The following ANK3 variants were observed in gnomAD, a reference collection of about 807,000 sequenced individuals.
The protein encoded by ANK3 is ankyrin-3.
A neutral mutation model predicts 370.9 loss-of-function variants in ANK3; 57 were observed. The ratio of observed to expected loss-of-function variants is 0.15; its 90% CI spans 0.12 to 0.19. The LOEUF is 0.19. Among genes scored for constraint, ANK3 ranks in the 10% least tolerant of loss-of-function variants. The probability of loss-of-function intolerance (pLI) is 1.00; values close to 1 mark genes in which losing one functional copy is unlikely to be tolerated. For synonymous variants in ANK3, 1,929 were observed against 1,946.3 expected, an observed-to-expected ratio of 0.99 and a Z score of 0.23; for missense variants, 4,439 against 5,302.1, an observed-to-expected ratio of 0.84 and a Z score of 5.06.
At chr10:60,427,485 T>C (rs945484422) in intron 2 of ANK3, among the ~76,000 whole-genome samples, 1 of 151,774 alleles carries the variant, frequency 6.6e-6, no homozygotes, top group African/African-American at 2.4e-5. Context: ...AAAGCACTTT[T>C]GCCTAAATAG....
At chr10:60,502,884 GAA>G (rs965293334) in intron 2 of ANK3, among the ~76,000 whole-genome samples, 4 of 120,412 alleles carry the variant, frequency 3.3e-5, no homozygotes, top group African/African-American at 9.2e-5. Flanking sequence ...AAGAGGGAAA[GAA>G]AGAGAGAAAG....
At chr10:60,516,848 C>T (rs2076231076) in intron 2 of ANK3, among the ~76,000 whole-genome samples, 1 of 152,076 alleles carries the variant, frequency 6.6e-6, no homozygotes, top group Admixed American at 6.6e-5. Flanking sequence ...GATCACAGAG[C>T]AGAATTTTCT....
At chr10:60,583,509 T>C (rs567866749) in intron 2 of ANK3, among the ~76,000 whole-genome samples, 2 of 130,160 alleles carry the variant, frequency 1.5e-5, no homozygotes, top group East Asian at 5.3e-4. Context: ...GAGAGGTTTT[T>C]TGTTTTTTGT....
chr10:60,183,509 A>T (rs545701073), intron 17 of ANK3, among the ~76,000 whole-genome samples: 1 of 152,324 alleles, frequency 6.6e-6, no homozygotes, highest in African/African-American at 2.4e-5. Context: ...GCCCTGTTTG[A>T]GTTCAGAAGT....
chr10:60,720,823 G>C (rs2079853193), intron 1 of ANK3, among the ~76,000 whole-genome samples: 1 of 152,096 alleles, frequency 6.6e-6, no homozygotes, highest in Non-Finnish European at 1.5e-5. Flanking sequence ...ATATTGCCTA[G>C]GCTGGTCTCA....
At chr10:60,677,874 A>C (rs2079147147) in intron 1 of ANK3, among the ~76,000 whole-genome samples, 1 of 152,052 alleles carries the variant, frequency 6.6e-6, no homozygotes, top group Admixed American at 6.5e-5. Flanking sequence ...TACTCCTTTC[A>C]AATGCTAGAT....
At chr10:60,136,686 C>T (rs937305324) in intron 24 of ANK3, among the ~76,000 whole-genome samples, 4 of 152,122 alleles carry the variant, frequency 2.6e-5, no homozygotes, top group African/African-American at 7.2e-5. Flanking sequence ...AGCTATCAAC[C>T]GAAAGGCCTA....
chr10:60,216,111 T>C (rs144080668), intron 8 of ANK3, among the ~76,000 whole-genome samples: 101 of 152,214 alleles, frequency 6.6e-4, no homozygotes, highest in Admixed American at 2.1e-3. Context: ...TTTGTAGTGA[T>C]TGTGAATGGG....
chr10:60,226,832 C>T (rs2097172019), intron 8 of ANK3, among the ~76,000 whole-genome samples: 1 of 148,742 alleles, frequency 6.7e-6, no homozygotes. Context: ...ATTATATTTA[C>T]ACTGTTAGTT....
chr10:60,449,667 T>C (rs1412262101), intron 2 of ANK3, among the ~76,000 whole-genome samples: 7 of 152,228 alleles, frequency 4.6e-5, no homozygotes, highest in Non-Finnish European at 7.3e-5. Flanking sequence ...CTAATAATCA[T>C]ACCTGCTTTC....
At chr10:60,228,972 T>C (rs2132517746) in intron 8 of ANK3, among the ~76,000 whole-genome samples, 1 of 152,312 alleles carries the variant, frequency 6.6e-6, no homozygotes, top group South Asian at 2.1e-4. Context: ...AGATCTCTAA[T>C]TTGGCAAGGG....
upstream of ANK3, among the ~76,000 whole-genome samples, chr10:60,390,614 A>G (rs1174009653): frequency 1.3e-5 from 2 of 152,026 alleles, no homozygotes; most frequent in Admixed American, 6.6e-5. Flanking sequence ...AAGAAATCTA[A>G]TAAGTCGGGA....
At position 60,462,694 on chromosome 10, in the gene ANK3, T is replaced by C. The variant is rs1016453666; in HGVS notation, c.96+152492A>G. ...GTGGTTTTCTACTTAGGATGCACTA[T>C]AATATCATGTGGGGAGATTTTTAAA... On this transcript the variant is annotated intron_variant, in intron 2 of 43. Transcript: ENST00000373827. Among the ~76,000 whole-genome samples, 6 of 151,974 alleles carry C rather than the reference T, an allele frequency of 3.9e-5. No homozygotes were observed. The East Asian group carries it at 7.7e-4, about 20-fold the overall frequency.
At chr10:60,150,268 TG>T (rs1294739524) in intron 23 of ANK3, among the ~76,000 whole-genome samples, 1 of 152,118 alleles carries the variant, frequency 6.6e-6, no homozygotes, top group Non-Finnish European at 1.5e-5. Context: ...AGCTCTTCTG[TG>T]GGGGCCTGTG....
chr10:60,151,733 T>C (rs1354869700), intron 23 of ANK3, among the ~76,000 whole-genome samples: 1 of 152,184 alleles, frequency 6.6e-6, no homozygotes, highest in Non-Finnish European at 1.5e-5. Flanking sequence ...CAGACTAGCA[T>C]AGGTATTCAA....
chr10:60,312,996 T>G (rs1216356390), intron 1 of ANK3, among the ~76,000 whole-genome samples: 1 of 152,190 alleles, frequency 6.6e-6, no homozygotes, highest in Admixed American at 6.5e-5. Flanking sequence ...CTCCCCAGTG[T>G]GCAAAATAGG....
intron 2 of ANK3, among the ~76,000 whole-genome samples, chr10:60,506,904 C>T (rs943399373): frequency 5.3e-5 from 8 of 151,836 alleles, no homozygotes; most frequent in South Asian, 2.1e-4. Context: ...GCAAATACTA[C>T]GTGGGAAAAA....
chr10:60,620,774 T>C (rs1019159887), intron 1 of ANK3, among the ~76,000 whole-genome samples: 1 of 152,212 alleles, frequency 6.6e-6, no homozygotes, highest in Non-Finnish European at 1.5e-5. Flanking sequence ...CAAGACCACT[T>C]GTTCTTTTAA....
At chr10:60,677,620 T>A (rs2079142201) in intron 1 of ANK3, among the ~76,000 whole-genome samples, 1 of 152,012 alleles carries the variant, frequency 6.6e-6, no homozygotes, top group Admixed American at 6.6e-5. Flanking sequence ...ATTCCTTAGA[T>A]GTGCAGATGG....
Sources: gnomAD v4.1 joint callset for allele counts (sites outside exome capture counted in the v4.1 genomes callset) on GRCh38, gnomAD v4.1.1 for gene constraint, MANE v1.5 for transcripts, NCBI Gene and HGNC (gene_info 2026-07-23, HGNC 2026-07-21) for gene names.